SNTG1: variants seen among roughly 807,000 people sequenced by gnomAD.
SNTG1 encodes gamma-1-syntrophin.
Under a neutral mutation model 74.7 loss-of-function variants are expected in SNTG1, and 39 were observed. The ratio of observed to expected loss-of-function variants is 0.52; its 90% CI spans 0.40 to 0.68. SNTG1 has a LOEUF of 0.68. SNTG1 is among the 30% of genes least tolerant of loss of function. The pLI is 0.00. For synonymous variants in SNTG1, 254 were observed against 217.1 expected, an observed-to-expected ratio of 1.17 and a Z score of -1.49; for missense variants, 685 against 609.5, an observed-to-expected ratio of 1.12 and a Z score of -1.30.
chr8:50,007,292 T>G (rs913586523), intron 1 of SNTG1, among the ~76,000 whole-genome samples: 1 of 152,154 alleles, frequency 6.6e-6, no homozygotes, highest in Non-Finnish European at 1.5e-5. Context: ...CCTCCAGTTC[T>G]GGCCCCTACC....
In SNTG1 at chr8:50,433,768, C is replaced by T. The variant is rs2093269756; in HGVS notation, c.163-4775C>T. 3.3e-5 allele frequency among the ~76,000 whole-genome samples: 5 copies of T among 152,248 alleles called. No homozygotes were observed. The South Asian group carries it at 1.0e-3, about 32-fold the overall frequency. On this transcript the variant is annotated intron_variant, in intron 4 of 18. Coordinates refer to ENST00000642720, the MANE Select transcript of SNTG1 (RefSeq NM_018967.5). ...CCTGTGCTAAGTGCTTGTGAGATAACTTTGTGTAAGACATAGGTCCAGCTC... is the reference window on the plus strand; with the variant it reads ...CCTGTGCTAAGTGCTTGTGAGATAATTTTGTGTAAGACATAGGTCCAGCTC...
intron 16 of SNTG1, among the ~76,000 whole-genome samples, chr8:50,704,983 A>G (rs900085891): frequency 2.6e-5 from 4 of 152,322 alleles, no homozygotes; most frequent in Middle Eastern, 3.4e-3. Flanking sequence ...ACTAATTAAA[A>G]ATATATTTCT....
chr8:49,920,797 G>C (rs1328119724), intron 1 of SNTG1, among the ~76,000 whole-genome samples: 1 of 152,112 alleles, frequency 6.6e-6, no homozygotes, highest in African/African-American at 2.4e-5. Context: ...ATTCAGACTT[G>C]AGATGATGAG....
chr8:50,716,252 A>G (rs1181753192), intron 17 of SNTG1, among the ~76,000 whole-genome samples: 1 of 152,090 alleles, frequency 6.6e-6, no homozygotes, highest in Non-Finnish European at 1.5e-5. Context: ...ATTATTTCAC[A>G]TCAAAGACAG....
rs915993665 is a variant in SNTG1, at chr8:50,536,953, A to G, written c.680+145A>G. 12 of 1,050,386 alleles carry G rather than the reference A, an allele frequency of 1.1e-5. No individual in the cohort carries two copies. In the African/African-American group the frequency reaches 1.9e-4, roughly 17 times the overall value. 65.1% of individuals were successfully genotyped at this position (1,050,386 alleles called of 1,614,324 possible). A position where few individuals can be genotyped will look rare whatever the true frequency, so the allele number is the denominator to read the frequency against. On this transcript the variant is annotated intron_variant, in intron 11 of 18. Coordinates refer to ENST00000642720, the MANE Select transcript of SNTG1 (RefSeq NM_018967.5). Reference sequence around the variant, plus strand: ...AGAGCTTCAAAATAATAATCTAACAAAGTTAAACACTTATTATTCTGATGA... The same window carrying G: ...AGAGCTTCAAAATAATAATCTAACAGAGTTAAACACTTATTATTCTGATGA...
Position 50,491,694 on chromosome 8 carries a change from CTTATTTAT to C in SNTG1, c.364-11049_364-11042del, listed in dbSNP as rs113358818. On this transcript the variant is annotated intron_variant, in intron 8 of 18. Coordinates refer to ENST00000642720, the MANE Select transcript of SNTG1 (RefSeq NM_018967.5). The stretch of plus-strand genomic sequence containing the variant: ...GCAAATGCTGTGCTGTGATCCAGAA[CTTATTTAT>C]TTATTTATTTATTTATTTATTTATT... Among the ~76,000 whole-genome samples, 942 of 150,498 alleles carry C rather than the reference CTTATTTAT, an allele frequency of 6.3e-3. 3 individuals are homozygous for C. Among genetic ancestry groups the C allele is most frequent in the African/African-American group, 0.014 (562 of 40,936 alleles).
chr8:50,347,304 A>T (rs1353203802), intron 2 of SNTG1, among the ~76,000 whole-genome samples: 3 of 152,244 alleles, frequency 2.0e-5, no homozygotes, highest in African/African-American at 4.8e-5. Context: ...GAAAAAACAA[A>T]TCCTGAGTAG....
intron 2 of SNTG1, among the ~76,000 whole-genome samples, chr8:50,260,746 C>T: frequency 3.6e-5 from 1 of 27,658 alleles, no homozygotes; most frequent in African/African-American, 5.1e-5. Flanking sequence ...AATAGCAATT[C>T]TAAAAAAAAA....
chr8:50,764,056 C>T (rs1007279146), intron 18 of SNTG1, among the ~76,000 whole-genome samples: 3 of 151,410 alleles, frequency 2.0e-5, no homozygotes, highest in Non-Finnish European at 3.0e-5. Context: ...TTTACAATGG[C>T]CCCAATAATA....
intron 13 of SNTG1, among the ~76,000 whole-genome samples, chr8:50,648,826 T>A (rs369753964): frequency 6.6e-6 from 1 of 152,194 alleles, no homozygotes; most frequent in Non-Finnish European, 1.5e-5. Context: ...CCCTACTTAG[T>A]GCACAACTGA....
intron 8 of SNTG1, among the ~76,000 whole-genome samples, chr8:50,490,578 G>T (rs913286372): frequency 6.6e-6 from 1 of 152,134 alleles, no homozygotes; most frequent in East Asian, 1.9e-4. Context: ...GTCTATTATT[G>T]GTGTACAGGA....
intron 2 of SNTG1, among the ~76,000 whole-genome samples, chr8:50,271,477 G>A (rs1488195942): frequency 1.3e-5 from 2 of 152,156 alleles, no homozygotes; most frequent in African/African-American, 2.4e-5. Context: ...AAAATGAATA[G>A]GCAGTAAGTT....
intron 1 of SNTG1, among the ~76,000 whole-genome samples, chr8:50,142,148 C>T (rs1475012393): frequency 5.9e-5 from 9 of 151,944 alleles, no homozygotes; most frequent in Admixed American, 5.9e-4. Flanking sequence ...TATAGTATAG[C>T]TGTAATATTG....
intron 2 of SNTG1, among the ~76,000 whole-genome samples, chr8:50,312,630 A>G (rs1388461161): frequency 6.7e-6 from 1 of 149,750 alleles, no homozygotes; most frequent in Non-Finnish European, 1.5e-5. Flanking sequence ...TTTCAAGCCT[A>G]TACAAAAACA....
chr8:49,962,883 G>A (rs1327260951), intron 1 of SNTG1, among the ~76,000 whole-genome samples: 8 of 152,202 alleles, frequency 5.3e-5, no homozygotes, highest in Admixed American at 5.2e-4. Context: ...ATGAGCCACT[G>A]CGCCCAACAA....
intron 13 of SNTG1, among the ~76,000 whole-genome samples, chr8:50,654,460 G>A (rs1202853361): frequency 6.6e-6 from 1 of 152,020 alleles, no homozygotes; most frequent in Non-Finnish European, 1.5e-5. Context: ...CCTGATGAAA[G>A]TTTCAATTTT....
intron 2 of SNTG1, among the ~76,000 whole-genome samples, chr8:50,289,095 G>A (rs2088945425): frequency 6.6e-6 from 1 of 152,092 alleles, no homozygotes; most frequent in Non-Finnish European, 1.5e-5. Context: ...GAGCAAAATG[G>A]TAATGTTCAA....
At chr8:50,219,413 C>T (rs971727003) in intron 2 of SNTG1, among the ~76,000 whole-genome samples, 1 of 152,108 alleles carries the variant, frequency 6.6e-6, no homozygotes, top group African/African-American at 2.4e-5. Flanking sequence ...TTAGAAGAAA[C>T]AATAAACACC....
At chr8:50,570,554 A>G (rs889273771) in intron 12 of SNTG1, among the ~76,000 whole-genome samples, 15 of 142,498 alleles carry the variant, frequency 1.1e-4, no homozygotes, top group East Asian at 2.1e-4. Context: ...CACCACGTCC[A>G]GCCTTATTTT....
Sources: gnomAD v4.1 joint callset for allele counts (sites outside exome capture counted in the v4.1 genomes callset) on GRCh38, gnomAD v4.1.1 for gene constraint, MANE v1.5 for transcripts, NCBI Gene and HGNC (gene_info 2026-07-23, HGNC 2026-07-21) for gene names.